SEMA3D: variants seen among roughly 807,000 people sequenced by gnomAD.
SEMA3D encodes semaphorin-3D.
In SEMA3D, 84 loss-of-function variants were observed where a neutral mutation model predicts 100.1. That is an observed-to-expected ratio of 0.84 (90% CI 0.70 to 1.01). The LOEUF (loss-of-function observed/expected upper bound fraction) is 1.01. Ranked by LOEUF, SEMA3D falls within the 50% of genes least tolerant of loss-of-function variation. SEMA3D has a pLI of 0.00. For synonymous variants in SEMA3D, 312 were observed against 320.7 expected (o/e 0.97, Z 0.29); for missense variants, 875 against 934.1 (o/e 0.94, Z 0.82).
intron 3 of SEMA3D, among the ~76,000 whole-genome samples, chr7:85,098,169 C>G (rs916706996): frequency 6.6e-6 from 1 of 151,400 alleles, no homozygotes; most frequent in Admixed American, 6.6e-5. Context: ...ACATATTGTC[C>G]CACTTTGTAA....
chr7:85,045,042 T>A (rs1367857545), intron 9 of SEMA3D, among the ~76,000 whole-genome samples: 1 of 152,022 alleles, frequency 6.6e-6, no homozygotes, highest in African/African-American at 2.4e-5. Flanking sequence ...GGGCCAAGGA[T>A]TTCATTATAG....
chr7:85,025,253 A>C, intron 12 of SEMA3D, among the ~76,000 whole-genome samples: 1 of 152,004 alleles, frequency 6.6e-6, no homozygotes, highest in Admixed American at 6.6e-5. Flanking sequence ...CCGCTGTTGT[A>C]AAATACTCAA....
intron 16 of SEMA3D, among the ~76,000 whole-genome samples, chr7:85,013,513 TA>T (rs889769744): frequency 2.6e-5 from 4 of 151,616 alleles, no homozygotes; most frequent in African/African-American, 4.8e-5. Flanking sequence ...ATTATTTTAT[TA>T]AAAAAAATCC....
chr7:85,179,037 ACT>A (rs1791322019), intron 1 of SEMA3D, among the ~76,000 whole-genome samples: 1 of 152,056 alleles, frequency 6.6e-6, no homozygotes, highest in Non-Finnish European at 1.5e-5. Context: ...GATTTGGGAA[ACT>A]CTGCCTAGAT....
intron 1 of SEMA3D, among the ~76,000 whole-genome samples, chr7:85,163,808 G>C (rs1790813358): frequency 6.6e-6 from 1 of 151,964 alleles, no homozygotes; most frequent in Non-Finnish European, 1.5e-5. Flanking sequence ...AAATAACCAA[G>C]CATTTCGTAT....
intron 2 of SEMA3D, chr7:85,141,874 G>A (rs1251981465): frequency 1.1e-5 from 10 of 942,818 alleles, no homozygotes; most frequent in Non-Finnish European, 1.3e-5. Context: ...AGCCTTCACT[G>A]AAAGACCTTC....
intron 1 of SEMA3D, among the ~76,000 whole-genome samples, chr7:85,178,579 T>C (rs1791304968): frequency 6.6e-6 from 1 of 152,132 alleles, no homozygotes; most frequent in African/African-American, 2.4e-5. Flanking sequence ...TTAGGGTATC[T>C]GGCAGAAAAA....
At chr7:85,190,869 C>T (rs1791681228), upstream of SEMA3D, among the ~76,000 whole-genome samples, 1 of 152,016 alleles carries the variant, frequency 6.6e-6, no homozygotes, top group South Asian at 2.1e-4. Flanking sequence ...GAAGACACCT[C>T]AAAACCTTCT....
At chr7:85,165,453 G>C (rs968551559) in intron 1 of SEMA3D, among the ~76,000 whole-genome samples, 1 of 151,976 alleles carries the variant, frequency 6.6e-6, no homozygotes, top group Non-Finnish European at 1.5e-5. Flanking sequence ...AGATAAACAC[G>C]GGCTAAACTG....
intron 17 of SEMA3D, among the ~76,000 whole-genome samples, chr7:85,007,226 A>T (rs994134043): frequency 6.6e-6 from 1 of 151,760 alleles, no homozygotes; most frequent in East Asian, 1.9e-4. Flanking sequence ...ATATATTGAG[A>T]TTTTTTTCTT....
At chr7:85,033,751 A>G (rs1790610616) in intron 12 of SEMA3D, among the ~76,000 whole-genome samples, 1 of 151,974 alleles carries the variant, frequency 6.6e-6, no homozygotes, top group African/African-American at 2.4e-5. Context: ...AAACTCATGT[A>G]GTAAGAAAAG....
chr7:85,217,610 T>C, the SEMA3D span, among the ~76,000 whole-genome samples: 7 of 152,156 alleles, frequency 4.6e-5, no homozygotes, highest in African/African-American at 9.6e-5. Flanking sequence ...CAGGAACCAG[T>C]AGATAAGGGC....
intron 9 of SEMA3D, among the ~76,000 whole-genome samples, chr7:85,045,444 C>T (rs1304719294): frequency 6.6e-6 from 1 of 151,828 alleles, no homozygotes; most frequent in East Asian, 1.9e-4. Flanking sequence ...TATATAGTGG[C>T]TCTGTCATAA....
At chr7:85,012,755 G>A (rs1789990698) in intron 17 of SEMA3D, 27 bp downstream of exon 17, 3 of 1,573,598 alleles carry the variant, frequency 1.9e-6, no homozygotes, top group Non-Finnish European at 1.7e-6. Flanking sequence ...TTAAATGGGA[G>A]AAAAAGCATA....
chr7:85,033,940 C>T (rs1463226679), intron 12 of SEMA3D, among the ~76,000 whole-genome samples: 3 of 150,934 alleles, frequency 2.0e-5, no homozygotes, highest in Non-Finnish European at 4.4e-5. Context: ...TTTTGTAGTG[C>T]AACATCATAG....
chr7:85,139,968 C>T (rs901661587), intron 2 of SEMA3D: 2 of 225,612 alleles, frequency 8.9e-6, no homozygotes, highest in African/African-American at 4.7e-5. Flanking sequence ...TAGAGGGCAA[C>T]ATTGTAAACT....
chr7:85,105,677 A>C (rs73703778), intron 3 of SEMA3D, among the ~76,000 whole-genome samples: 3,314 of 152,230 alleles, frequency 0.022, 113 homozygotes, highest in African/African-American at 0.075. Context: ...TTGCAAATGC[A>C]AGTCCAAATC....
chr7:85,198,741 T>C, the SEMA3D span, among the ~76,000 whole-genome samples: 1 of 151,522 alleles, frequency 6.6e-6, no homozygotes, highest in African/African-American at 2.4e-5. Flanking sequence ...ATTTTAATTG[T>C]TTTTAAAGTT....
intron 9 of SEMA3D, among the ~76,000 whole-genome samples, chr7:85,051,484 C>T (rs960274768): frequency 5.9e-5 from 9 of 151,954 alleles, no homozygotes; most frequent in Non-Finnish European, 1.2e-4. Context: ...TCTCAATTGC[C>T]TCTGCAGACA....
Sources: allele counts gnomAD v4.1 joint callset (sites outside exome capture counted in the v4.1 genomes callset), GRCh38; gene constraint gnomAD v4.1.1; transcripts MANE v1.5; gene names NCBI Gene and HGNC (gene_info 2026-07-23, HGNC 2026-07-21).